Variants in TNFAIP8L3 observed in about 807,000 individuals in gnomAD.
TNFAIP8L3 encodes the protein TNF alpha induced protein 8 like 3, also known as tumor necrosis factor alpha-induced protein 8-like protein 3.
In TNFAIP8L3, 7 loss-of-function variants were observed where a neutral mutation model predicts 11.8. The observed-to-expected ratio is 0.59, with a 90% CI of 0.34 to 1.11. The LOEUF (loss-of-function observed/expected upper bound fraction) is 1.11, where lower values mean the gene tolerates loss of function less well. TNFAIP8L3 is among the 50% of genes most tolerant of loss of function. TNFAIP8L3 has a pLI of 0.03. For synonymous variants in TNFAIP8L3, 98 were observed against 103.8 expected (o/e 0.94, Z 0.34); for missense variants, 219 against 258.6 (o/e 0.85, Z 1.05).
chr15:51,072,147 T>TG (rs1223640493), intron 1 of TNFAIP8L3, among the ~76,000 whole-genome samples: 19 of 143,626 alleles, frequency 1.3e-4, no homozygotes, highest in African/African-American at 4.4e-4. Flanking sequence ...TACAGAAAGC[T>TG]ATTTTTTTTT....
At chr15:51,076,389 A>G (rs369311496) in intron 1 of TNFAIP8L3, among the ~76,000 whole-genome samples, 1 of 152,186 alleles carries the variant, frequency 6.6e-6, no homozygotes, top group Admixed American at 6.5e-5. Flanking sequence ...GGGAGGGGCC[A>G]ACTAGCTGTG....
chr15:51,071,825 T>A (rs1331436744), intron 1 of TNFAIP8L3, among the ~76,000 whole-genome samples: 1 of 152,220 alleles, frequency 6.6e-6, no homozygotes, highest in Non-Finnish European at 1.5e-5. Context: ...CACTTCCTCA[T>A]CAACACTTCA....
intron 1 of TNFAIP8L3, among the ~76,000 whole-genome samples, chr15:51,082,589 CTTT>C (rs1408684539): frequency 6.6e-6 from 1 of 152,156 alleles, no homozygotes; most frequent in Non-Finnish European, 1.5e-5. Context: ...CTTACTGAAA[CTTT>C]TTTACTTTAT....
At chr15:51,059,974 GA>G (rs1397236173) in intron 1 of TNFAIP8L3, among the ~76,000 whole-genome samples, 1 of 152,222 alleles carries the variant, frequency 6.6e-6, no homozygotes, top group Non-Finnish European at 1.5e-5. Context: ...TGAGACCATA[GA>G]ATCTTTAAGC....
At chr15:51,066,462 C>A (rs1016108402) in intron 1 of TNFAIP8L3, among the ~76,000 whole-genome samples, 2 of 152,170 alleles carry the variant, frequency 1.3e-5, no homozygotes, top group Non-Finnish European at 2.9e-5. Context: ...AGCGTCTGGC[C>A]TGAACTTGAA....
chr15:51,102,864 C>T (rs1276173498), intron 1 of TNFAIP8L3, among the ~76,000 whole-genome samples: 1 of 152,312 alleles, frequency 6.6e-6, no homozygotes, highest in East Asian at 1.9e-4. Flanking sequence ...GATCTTTCCT[C>T]TCCTTTTACC....
intron 1 of TNFAIP8L3, among the ~76,000 whole-genome samples, chr15:51,061,768 TATC>T (rs1437042212): frequency 2.0e-5 from 3 of 152,190 alleles, no homozygotes; most frequent in Admixed American, 2.0e-4. Flanking sequence ...TGGAGCGAGT[TATC>T]ATTTTAATTA....
chr15:51,104,651 T>A (rs1001297951), intron 1 of TNFAIP8L3, among the ~76,000 whole-genome samples: 5 of 152,234 alleles, frequency 3.3e-5, no homozygotes, highest in Non-Finnish European at 7.3e-5. Flanking sequence ...TGCTTTGCTG[T>A]GATGGCTGGA....
At chr15:51,078,292 T>C (rs2065368856) in intron 1 of TNFAIP8L3, among the ~76,000 whole-genome samples, 1 of 126,290 alleles carries the variant, frequency 7.9e-6, no homozygotes, top group Non-Finnish European at 1.6e-5. Flanking sequence ...GTCACAAATA[T>C]AAGCGGGGGC....
At chr15:51,059,695 A>G (rs1360842396) in intron 1 of TNFAIP8L3, among the ~76,000 whole-genome samples, 2 of 152,262 alleles carry the variant, frequency 1.3e-5, no homozygotes, top group Non-Finnish European at 2.9e-5. Context: ...AGAAAGTAGT[A>G]AAATACAGTG....
rs745796331 is a variant in TNFAIP8L3 at position 51,058,232 on chromosome 15, G to T, written c.264C>A (p.Ile88=). The T allele has an allele frequency of 3.8e-5, 61 of 1,614,188 alleles. No individual in the cohort carries two copies. The highest frequency in any genetic ancestry group is 1.6e-4 in the Middle Eastern group (1 of 6,062). Residue 88 remains isoleucine (I), a synonymous_variant, in exon 2 of 2, where the codon ATC becomes ATA. Coordinates refer to ENST00000637513, the MANE Select transcript of TNFAIP8L3 (RefSeq NM_001311175.2). ...ACTGGTTGTTCCGGTAGAGGATCCC[G>T]ATTTTGATCGCCACCTTGATTAAGT... ...MKDLIKVAIK[I]GILYRNNQFS...
chr15:51,065,479 C>T (rs2065264714), intron 1 of TNFAIP8L3, among the ~76,000 whole-genome samples: 1 of 152,166 alleles, frequency 6.6e-6, no homozygotes, highest in Non-Finnish European at 1.5e-5. Flanking sequence ...TGGTGATAAA[C>T]AACAGGAAGA....
intron 1 of TNFAIP8L3, among the ~76,000 whole-genome samples, chr15:51,083,382 C>T (rs1390806145): frequency 6.6e-6 from 1 of 152,044 alleles, no homozygotes; most frequent in African/African-American, 2.4e-5. Flanking sequence ...CGTTGTATCC[C>T]CCTCTAATTT....
chr15:51,060,350 G>GTCACTGAAATAAGTATATGCC (rs1343151601), intron 1 of TNFAIP8L3, among the ~76,000 whole-genome samples: 2 of 152,154 alleles, frequency 1.3e-5, no homozygotes, highest in Admixed American at 1.3e-4. Context: ...TTGAGTAATC[G>GTCACTGAAATAAGTATATGCC]TCCTGTCACT....
In TNFAIP8L3 at chr15:51,094,759, A is replaced by C. The variant is rs1239335490; in HGVS notation, c.-164T>G. Reference sequence around the variant, plus strand: ...GGCAGCGGCCAGGGGGCGGCTCCGCAGAGGCGAGCGCCGCCGCGCCCCGCT... The same window carrying C: ...GGCAGCGGCCAGGGGGCGGCTCCGCCGAGGCGAGCGCCGCCGCGCCCCGCT... On this transcript the variant is annotated 5_prime_UTR_variant, in exon 1 of 2. Coordinates refer to ENST00000637513, the MANE Select transcript of TNFAIP8L3 (RefSeq NM_001311175.2). The surrounding 1 kb of genome is among the most constrained non-coding windows in gnomAD (Gnocchi z 4.4). The C allele has an allele frequency of 1.2e-6, 1 of 860,144 alleles. No homozygotes were observed. Among genetic ancestry groups the C allele is most frequent in the Non-Finnish European group, 1.3e-6 (1 of 766,024 alleles). 53.3% of individuals were successfully genotyped at this position (860,144 alleles called of 1,614,324 possible). A position where few individuals can be genotyped will look rare whatever the true frequency, so the allele number is the denominator to read the frequency against.
rs933042044 is a variant in TNFAIP8L3, at chr15:51,081,117, C to T, written c.52+13427G>A. Among the ~76,000 whole-genome samples the T allele has an allele frequency of 3.3e-5, 5 of 152,156 alleles. No individual in the cohort carries two copies. The South Asian group carries it at 1.0e-3, about 32-fold the overall frequency. ...GCCACAAGACTTGGCTTTTTCACTGCCTTAGTCCCTCTAACACTCAGGAGG... is the reference window on the plus strand; with the variant it reads ...GCCACAAGACTTGGCTTTTTCACTGTCTTAGTCCCTCTAACACTCAGGAGG... On this transcript the variant is annotated intron_variant, in intron 1 of 1. Transcript: ENST00000637513.
chr15:51,099,598 G>A (rs923137409), upstream of TNFAIP8L3, among the ~76,000 whole-genome samples: 2 of 152,244 alleles, frequency 1.3e-5, no homozygotes, highest in South Asian at 2.1e-4. Flanking sequence ...ATCACACATG[G>A]TGTGTGATCT....
rs984442733 is a variant in TNFAIP8L3, at chr15:51,094,168, C to A, written c.52+376G>T. On this transcript the variant is annotated intron_variant, in intron 1 of 1. Coordinates refer to ENST00000637513, the MANE Select transcript of TNFAIP8L3 (RefSeq NM_001311175.2). The surrounding 1 kb of genome is among the most constrained non-coding windows in gnomAD (Gnocchi z 4.4). ...CTGCGCCGCAGCGCAGTCCCGGCGC[C>A]CCAGGTTCGAGGACCCGGCCCGCGC... is the stretch of plus-strand genomic sequence containing the variant. Among the ~76,000 whole-genome samples, 2 of 152,200 alleles carry A rather than the reference C, an allele frequency of 1.3e-5. No individual in the cohort carries two copies. Among genetic ancestry groups the A allele is most frequent in the African/African-American group, 4.8e-5 (2 of 41,464 alleles).
intron 1 of TNFAIP8L3, among the ~76,000 whole-genome samples, chr15:51,067,967 C>T (rs1401676732): frequency 6.6e-6 from 1 of 152,172 alleles, no homozygotes; most frequent in Non-Finnish European, 1.5e-5. Context: ...ATCTACATTT[C>T]AAAAATTTCC....
Sources: gnomAD v4.1 joint callset for allele counts (sites outside exome capture counted in the v4.1 genomes callset) on GRCh38, gnomAD v4.1.1 for gene constraint, Gnocchi (gnomAD v3.1) non-coding constraint, MANE v1.5 for transcripts, NCBI Gene and HGNC (gene_info 2026-07-23, HGNC 2026-07-21) for gene names.